DYNC2H1: variants seen among roughly 807,000 people sequenced by gnomAD.
DYNC2H1 encodes dynein cytoplasmic 2 heavy chain 1, also known as cytoplasmic dynein 2 heavy chain 1.
A neutral mutation model predicts 570.0 loss-of-function variants in DYNC2H1; 410 were observed. The ratio of observed to expected loss-of-function variants is 0.72; its 90% CI spans 0.66 to 0.78. The LOEUF is 0.78. Among genes scored for constraint, DYNC2H1 ranks in the 30% least tolerant of loss-of-function variants. The pLI is 0.00. For synonymous variants in DYNC2H1, 1,688 were observed against 1,677.6 expected, an observed-to-expected ratio of 1.01 and a Z score of -0.15; for missense variants, 4,865 against 5,046.4, an observed-to-expected ratio of 0.96 and a Z score of 1.09.
intron 66 of DYNC2H1, among the ~76,000 whole-genome samples, chr11:103,255,051 G>A (rs528763827): frequency 5.9e-5 from 9 of 152,020 alleles, no homozygotes; most frequent in African/African-American, 2.2e-4. Flanking sequence ...GATTACAGGC[G>A]TGAGCTACCA....
rs1861831232 is a variant in DYNC2H1 at position 103,181,049 on chromosome 11, G to T, written c.6348-708G>T. 2.0e-5 allele frequency among the ~76,000 whole-genome samples: 3 copies of T among 151,034 alleles called. No individual in the cohort carries two copies. Among genetic ancestry groups the T allele is most frequent in the Admixed American group, 1.3e-4 (2 of 15,102 alleles). ...ACTATAGTTTTTTATAATTATATAA[G>T]GTATAATTTTGAATAAGATGTGAAT... On this transcript the variant is annotated intron_variant, in intron 39 of 88. Transcript: ENST00000375735. This position sits in a 1 kb window ranked among gnomAD's most constrained non-coding sequence, Gnocchi z 5.0.
Position 103,203,605 on chromosome 11 carries a change from A to G in DYNC2H1, c.8198-58A>G. The G allele has an allele frequency of 8.7e-7, 1 of 1,153,346 alleles. No individual in the cohort carries two copies. Among genetic ancestry groups the G allele is most frequent in the Non-Finnish European group, 1.2e-6 (1 of 824,786 alleles). 71.4% of individuals were successfully genotyped at this position (1,153,346 alleles called of 1,614,324 possible). ...AATAAGAGCAGATTTTTAAATACAAAAATTGAAAAAGCATCATTTATTAAA... is the reference window on the plus strand; with the variant it reads ...AATAAGAGCAGATTTTTAAATACAAGAATTGAAAAAGCATCATTTATTAAA... On this transcript the variant is annotated intron_variant, in intron 50 of 88. Coordinates refer to ENST00000375735, the MANE Select transcript of DYNC2H1 (RefSeq NM_001377.3). This position sits in a 1 kb window ranked among gnomAD's most constrained non-coding sequence, Gnocchi z 4.7.
At chr11:103,336,110 G>A (rs1448081250) in intron 82 of DYNC2H1, among the ~76,000 whole-genome samples, 3 of 152,074 alleles carry the variant, frequency 2.0e-5, no homozygotes, top group Non-Finnish European at 2.9e-5. Flanking sequence ...AAGATCTCTT[G>A]CTAGGCAAAA....
intron 82 of DYNC2H1, among the ~76,000 whole-genome samples, chr11:103,339,662 A>T (rs567247512): frequency 5.1e-4 from 78 of 152,274 alleles, no homozygotes; most frequent in Non-Finnish European, 8.7e-4. Context: ...TACTCTTGTC[A>T]TCGCTGAAGC....
chr11:103,342,305 A>ACCCTATAAAACGGACCAATCG (rs1939488091), intron 82 of DYNC2H1, among the ~76,000 whole-genome samples: 1 of 151,828 alleles, frequency 6.6e-6, no homozygotes, highest in Non-Finnish European at 1.5e-5. Flanking sequence ...TGGACCAATC[A>ACCCTATAAAACGGACCAATCG]GCACCCTATA....
In DYNC2H1 at chr11:103,204,208, C is replaced by T. The variant is rs1277721840; in HGVS notation, c.8311+432C>T. On this transcript the variant is annotated intron_variant, in intron 51 of 88. Coordinates refer to ENST00000375735, the MANE Select transcript of DYNC2H1 (RefSeq NM_001377.3). This position sits in a 1 kb window ranked among gnomAD's most constrained non-coding sequence, Gnocchi z 4.1. ...ATGAGAATAGCATGGGAAATACCTG[C>T]CCCGCTCCATGATTCAATCATGTCC... Among the ~76,000 whole-genome samples the T allele has an allele frequency of 6.6e-6, 1 of 152,098 alleles. No homozygotes were observed. Among genetic ancestry groups the T allele is most frequent in the African/African-American group, 2.4e-5 (1 of 41,424 alleles).
At chr11:103,270,562 TTA>T (rs1865667168) in intron 70 of DYNC2H1, among the ~76,000 whole-genome samples, 1 of 149,602 alleles carries the variant, frequency 6.7e-6, no homozygotes, top group African/African-American at 2.5e-5. Flanking sequence ...GTGATGAAAA[TTA>T]TATGATGTGG....
At chr11:103,308,942 TA>T (rs1867431314) in intron 78 of DYNC2H1, among the ~76,000 whole-genome samples, 1 of 152,048 alleles carries the variant, frequency 6.6e-6, no homozygotes, top group South Asian at 2.1e-4. Flanking sequence ...TCCCATTCTA[TA>T]GATTGCTTTT....
At chr11:103,317,521 A>G (rs1937922002) in intron 80 of DYNC2H1, among the ~76,000 whole-genome samples, 1 of 152,288 alleles carries the variant, frequency 6.6e-6, no homozygotes, top group African/African-American at 2.4e-5. Flanking sequence ...ACCCTTGCAA[A>G]CATTCTTCAT....
intron 83 of DYNC2H1, among the ~76,000 whole-genome samples, chr11:103,381,448 TTTTA>T (rs1156480384): frequency 3.3e-5 from 5 of 151,166 alleles, no homozygotes; most frequent in African/African-American, 1.2e-4. Context: ...TTTTATTTTA[TTTTA>T]TTTATTTATG....
chr11:103,430,477 A>G (rs1188813613), intron 84 of DYNC2H1, among the ~76,000 whole-genome samples: 1 of 152,098 alleles, frequency 6.6e-6, no homozygotes, highest in Non-Finnish European at 1.5e-5. Context: ...ATATTACCGT[A>G]CATTTTTAAC....
In DYNC2H1 at chr11:103,282,248, A is replaced by G. The variant is rs1328075861; in HGVS notation, c.10812+19A>G. 1.2e-6 allele frequency: 2 copies of G among 1,605,476 alleles called. No individual in the cohort carries two copies. The highest frequency in any genetic ancestry group is 2.7e-5 in the African/African-American group (2 of 74,422). ...GAAAGCTGTAAGTTAAAATAACAAA[A>G]TCTATTTTGCTCTTAAAGAAAATAT... On this transcript the variant is annotated intron_variant, in intron 72 of 88. Coordinates refer to ENST00000375735, the MANE Select transcript of DYNC2H1 (RefSeq NM_001377.3).
intron 82 of DYNC2H1, among the ~76,000 whole-genome samples, chr11:103,343,371 C>T (rs1451036930): frequency 6.6e-6 from 1 of 152,170 alleles, no homozygotes. Context: ...CTAAAAACCA[C>T]TCCCTGTCTC....
intron 83 of DYNC2H1, among the ~76,000 whole-genome samples, chr11:103,380,573 T>G (rs913756229): frequency 3.4e-4 from 51 of 152,164 alleles, no homozygotes; most frequent in Non-Finnish European, 2.6e-4. Context: ...TTTTTTTTGT[T>G]TTTTTGAGAT....
chr11:103,279,090 T>A (rs545979611), intron 70 of DYNC2H1, among the ~76,000 whole-genome samples: 1 of 152,254 alleles, frequency 6.6e-6, no homozygotes, highest in Non-Finnish European at 1.5e-5. Flanking sequence ...TCAAATCTTA[T>A]TTTGCATAGG....
intron 80 of DYNC2H1, among the ~76,000 whole-genome samples, chr11:103,320,262 C>T (rs1432208929): frequency 2.0e-5 from 3 of 151,994 alleles, no homozygotes; most frequent in Non-Finnish European, 4.4e-5. Context: ...AAATTAGCGG[C>T]GTGGTGGCAT....
intron 75 of DYNC2H1, among the ~76,000 whole-genome samples, chr11:103,302,773 C>T (rs977155641): frequency 6.6e-6 from 1 of 152,016 alleles, no homozygotes; most frequent in Admixed American, 6.6e-5. Context: ...TCTCAATTTA[C>T]AGTACAGCTA....
intron 24 of DYNC2H1, among the ~76,000 whole-genome samples, chr11:103,155,090 C>T (rs1361602162): frequency 1.3e-5 from 2 of 151,938 alleles, no homozygotes; most frequent in African/African-American, 4.8e-5. Context: ...TAGAAATAGT[C>T]TATGCCATGT....
chr11:103,293,919 A>C (rs954825572), intron 75 of DYNC2H1, among the ~76,000 whole-genome samples: 2 of 151,990 alleles, frequency 1.3e-5, no homozygotes, highest in Non-Finnish European at 2.9e-5. Flanking sequence ...TGTACTAAAA[A>C]CACAAAAATT....
Sources: gnomAD v4.1 joint callset for allele counts (sites outside exome capture counted in the v4.1 genomes callset) on GRCh38, gnomAD v4.1.1 for gene constraint, Gnocchi (gnomAD v3.1) non-coding constraint, MANE v1.5 for transcripts, NCBI Gene and HGNC (gene_info 2026-07-23, HGNC 2026-07-21) for gene names.